SPAG17: variants seen among roughly 807,000 people sequenced by gnomAD.
SPAG17 encodes sperm-associated antigen 17.
Under a neutral mutation model 273.6 loss-of-function variants are expected in SPAG17, and 169 were observed. The observed-to-expected ratio is 0.62, with a 90% CI of 0.55 to 0.70. SPAG17 has a LOEUF of 0.70. Among genes scored for constraint, SPAG17 ranks in the 30% least tolerant of loss-of-function variants. The pLI, the probability that SPAG17 is intolerant of heterozygous loss-of-function variation, is 0.00. For synonymous variants in SPAG17, 825 were observed against 873.2 expected (o/e 0.94, Z 0.97); for missense variants, 2,557 against 2,627.8 (o/e 0.97, Z 0.59).
At chr1:118,117,735 C>T (rs1020158518) in intron 3 of SPAG17, among the ~76,000 whole-genome samples, 15 of 152,186 alleles carry the variant, frequency 9.9e-5, no homozygotes, top group Non-Finnish European at 1.3e-4. Context: ...AGACTTGATG[C>T]GCCACATCCT....
intron 25 of SPAG17, among the ~76,000 whole-genome samples, chr1:118,030,615 C>T (rs1478748926): frequency 6.6e-6 from 1 of 152,052 alleles, no homozygotes; most frequent in Admixed American, 6.6e-5. Flanking sequence ...TGACAGGCCC[C>T]AGTGTGTGAT....
At chr1:118,175,617 A>C (rs1046329424) in intron 1 of SPAG17, among the ~76,000 whole-genome samples, 13 of 151,872 alleles carry the variant, frequency 8.6e-5, no homozygotes, top group African/African-American at 2.9e-4. Flanking sequence ...TATTTTATCC[A>C]GCAAAGCTAC....
At chr1:118,125,838 G>A (rs1372405211) in intron 3 of SPAG17, among the ~76,000 whole-genome samples, 1 of 152,136 alleles carries the variant, frequency 6.6e-6, no homozygotes, top group Non-Finnish European at 1.5e-5. Flanking sequence ...AAACAGGAGG[G>A]TACAGATATT....
chr1:118,113,793 AC>A (rs1444150750), intron 4 of SPAG17, among the ~76,000 whole-genome samples: 2 of 152,164 alleles, frequency 1.3e-5, no homozygotes, highest in African/African-American at 4.8e-5. Context: ...ATTAGAGTTC[AC>A]ATTTCAAAGA....
intron 8 of SPAG17, among the ~76,000 whole-genome samples, chr1:118,092,264 T>G (rs1427184108): frequency 6.6e-6 from 1 of 152,218 alleles, no homozygotes; most frequent in African/African-American, 2.4e-5. Flanking sequence ...GATGGGGCAC[T>G]GAGCATCAAA....
chr1:117,958,782 TTG>T, intron 48 of SPAG17: 7 of 594,926 alleles, frequency 1.2e-5, no homozygotes, highest in South Asian at 3.3e-5. Flanking sequence ...TTTTTTTTTT[TTG>T]CTCGAAACAT....
At chr1:118,161,639 G>A (rs901973694) in intron 1 of SPAG17, among the ~76,000 whole-genome samples, 5 of 152,074 alleles carry the variant, frequency 3.3e-5, no homozygotes, top group Non-Finnish European at 5.9e-5. Context: ...CCGGGTTTAC[G>A]CCATTCTCCT....
At chr1:118,137,562 T>C (rs1182976316) in intron 3 of SPAG17, among the ~76,000 whole-genome samples, 1 of 152,252 alleles carries the variant, frequency 6.6e-6, no homozygotes, top group African/African-American at 2.4e-5. Context: ...TCAGTTTTTC[T>C]GAGTAAGAGT....
chr1:118,052,500 T>C (rs915820880), intron 20 of SPAG17, among the ~76,000 whole-genome samples: 21 of 151,970 alleles, frequency 1.4e-4, no homozygotes, highest in African/African-American at 5.1e-4. Flanking sequence ...CTATAGTTAA[T>C]AACAGTGAAA....
intron 29 of SPAG17, 127 bp downstream of exon 29, chr1:118,015,822 TCATCCATCCATCCACC>T (rs1659903531): frequency 8.1e-6 from 6 of 738,498 alleles, no homozygotes; most frequent in Non-Finnish European, 1.3e-5. Context: ...ATGAATCCAA[TCATCCATCCATCCACC>T]CATCCATCCA....
intron 3 of SPAG17, among the ~76,000 whole-genome samples, chr1:118,119,634 A>G (rs1172836515): frequency 2.0e-5 from 3 of 152,168 alleles, no homozygotes; most frequent in East Asian, 1.9e-4. Context: ...ATATATGAAG[A>G]CCTCAGCAAA....
chr1:118,173,858 T>TA (rs11392346), intron 1 of SPAG17, among the ~76,000 whole-genome samples: 78,563 of 118,090 alleles, frequency 0.67, 25,699 homozygotes, highest in Middle Eastern at 0.71. Flanking sequence ...AGACCCTGTC[T>TA]AAAAAAAAAA....
At chr1:118,110,868 G>T (rs111999563) in intron 4 of SPAG17, among the ~76,000 whole-genome samples, 3 of 152,270 alleles carry the variant, frequency 2.0e-5, no homozygotes, top group African/African-American at 7.2e-5. Context: ...ATGTATGGGG[G>T]TTAAGAGCAT....
At chr1:118,012,395 T>C (rs752312119) in intron 29 of SPAG17, 23 bp from the exon 30 acceptor site, 4 of 1,608,850 alleles carry the variant, frequency 2.5e-6, no homozygotes, top group South Asian at 2.2e-5. Context: ...AGGCAGGACA[T>C]AATCATTTGG....
intron 17 of SPAG17, among the ~76,000 whole-genome samples, chr1:118,070,093 GA>G (rs1231201856): frequency 1.3e-5 from 2 of 152,104 alleles, no homozygotes; most frequent in African/African-American, 4.8e-5. Flanking sequence ...CTCATTAAAA[GA>G]ACAGTAACAT....
chr1:117,982,404 G>A (rs997139334), intron 42 of SPAG17, among the ~76,000 whole-genome samples: 2 of 152,012 alleles, frequency 1.3e-5, no homozygotes, highest in Admixed American at 6.6e-5. Flanking sequence ...ACCACGCCTG[G>A]CTAATTTTTT....
At position 118,093,229 on chromosome 1, in the gene SPAG17, T is replaced by C. The variant is rs1208211125; in HGVS notation, c.1100A>G (p.Glu367Gly). The C allele has an allele frequency of 6.2e-7, 1 of 1,613,740 alleles. No homozygotes were observed. Among genetic ancestry groups the C allele is most frequent in the East Asian group, 2.2e-5 (1 of 44,874 alleles). Residue 367 changes from glutamate to glycine, a missense_variant, in exon 8 of 49, where the codon GAA becomes GGA. Transcript: ENST00000336338. ...DWKRQHQHYL[E>G]SMQLINVPQV... ...TGGAACATTAATAAGCTGCATGCTT[T>C]CCAAATAGTGCTGGTGCTGCCTTTT... is the stretch of plus-strand genomic sequence containing the variant.
At position 118,081,263 on chromosome 1, in the gene SPAG17, G is replaced by T. The variant is rs1275625870; in HGVS notation, c.2047C>A (p.Gln683Lys). Reference sequence around the variant, plus strand: ...GGTTCTCGGTTGCTTTCATTATCTTGCACAGACATTGACAAATTCTGATCC... The same window carrying T: ...GGTTCTCGGTTGCTTTCATTATCTTTCACAGACATTGACAAATTCTGATCC... ...FVDQNLSMSVQDNESNREPSD... is the reference protein window; with the variant it reads ...FVDQNLSMSVKDNESNREPSD... The change falls in exon 15 of 49, where the codon CAA (glutamine) becomes AAA (lysine). Residue 683 changes from glutamine (Q) to lysine (K), a missense_variant. Physicochemically the swap from Gln to Lys is moderately conservative, Grantham distance 53. Coordinates refer to ENST00000336338, the MANE Select transcript of SPAG17 (RefSeq NM_206996.4). 1 of 1,613,896 alleles carries T rather than the reference G, an allele frequency of 6.2e-7. No homozygotes were observed. Among genetic ancestry groups the T allele is most frequent in the African/African-American group, 1.3e-5 (1 of 74,882 alleles).
At position 118,042,038 on chromosome 1, in the gene SPAG17, C is replaced by T; in HGVS notation, c.2819G>A (p.Trp940Ter). The T allele has an allele frequency of 1.2e-6, 2 of 1,610,254 alleles. No individual in the cohort carries two copies. The highest frequency in any genetic ancestry group is 1.7e-6 in the Non-Finnish European group (2 of 1,179,136). The change falls in exon 21 of 49, where the codon TGG (tryptophan) becomes TAG (stop). Residue 940 changes from tryptophan to a stop codon, truncating the protein, a stop_gained. Transcript: ENST00000336338. LOFTEE classifies it high-confidence loss of function. ...PFILEGSLKA[W>*]KEEQHRLAEE... The stretch of plus-strand genomic sequence containing the variant: ...TGCTAATCGATGTTGCTCTTCTTTC[C>T]ATGCCTGTAAACACATTTAAGAAAT...
Sources: gnomAD v4.1 joint callset for allele counts (sites outside exome capture counted in the v4.1 genomes callset) on GRCh38, gnomAD v4.1.1 for gene constraint, MANE v1.5 for transcripts, NCBI Gene and HGNC (gene_info 2026-07-23, HGNC 2026-07-21) for gene names.